TAF4B: variants seen among roughly 807,000 people sequenced by gnomAD.
TAF4B encodes the protein transcription initiation factor TFIID subunit 4B.
TAF4B carries 38 observed loss-of-function variants against 86.4 expected under a neutral mutation model. That is an observed-to-expected ratio of 0.44 (90% CI 0.34 to 0.58). TAF4B has a LOEUF of 0.58. Ranked by LOEUF, TAF4B falls within the 20% of genes least tolerant of loss-of-function variation. TAF4B has a pLI of 0.02. For synonymous variants in TAF4B, 388 were observed against 391.2 expected (o/e 0.99, Z 0.10); for missense variants, 988 against 1,027.6 (o/e 0.96, Z 0.53).
intron 5 of TAF4B, among the ~76,000 whole-genome samples, chr18:26,281,392 T>C (rs897175056): frequency 6.6e-6 from 1 of 152,204 alleles, no homozygotes; most frequent in Non-Finnish European, 1.5e-5. Flanking sequence ...GTATATAATA[T>C]GTCCTATTAG....
rs1402641953 is a variant in TAF4B at position 26,286,291 on chromosome 18, C to T, written c.1382C>T (p.Ala461Val). 2 of 1,614,246 alleles carry T rather than the reference C, an allele frequency of 1.2e-6. No individual in the cohort carries two copies. The highest frequency in any genetic ancestry group is 1.7e-6 in the Non-Finnish European group (2 of 1,180,036). Residue 461 changes from alanine (A) to valine (V), a missense_variant, in exon 7 of 15, where the codon GCA (alanine) becomes GTA (valine). Around this residue, in one of 3 missense-constraint regions of TAF4B, gnomAD observed 747 missense variants for 737.9 expected, o/e 1.01. Transcript: ENST00000269142. ...QPEKPVVSGT[A>V]VTLSLPAVTF... ...GAAAAGCCAGTTGTCTCTGGAACAG[C>T]AGTAACACTGTCCCTTCCAGCAGTA... is the stretch of plus-strand genomic sequence containing the variant.
intron 5 of TAF4B, among the ~76,000 whole-genome samples, chr18:26,280,200 A>C (rs1252336908): frequency 1.3e-5 from 2 of 152,196 alleles, no homozygotes; most frequent in Non-Finnish European, 2.9e-5. Context: ...AAGACCTCAA[A>C]CTGTAAAAGT....
chr18:26,372,702 G>T (rs2057414519), intron 14 of TAF4B, among the ~76,000 whole-genome samples: 1 of 152,092 alleles, frequency 6.6e-6, no homozygotes, highest in African/African-American at 2.4e-5. Context: ...TGGGCGCGGT[G>T]GCTCATGCCT....
chr18:26,310,624 A>G lies in TAF4B; in HGVS notation c.1833-4605A>G, dbSNP rs2056844898. ...TCTAAGGAAATAACTAGATCTTAAA[A>G]TAAAAGTTTTTGTTTATATTTTAAA... On this transcript the variant is annotated intron_variant, in intron 9 of 14. Transcript: ENST00000269142. Among the ~76,000 whole-genome samples, 3 of 152,326 alleles carry G rather than the reference A, an allele frequency of 2.0e-5. 1 individual carries two copies. Among genetic ancestry groups the G allele is most frequent in the South Asian group, 4.2e-4 (2 of 4,812 alleles).
intron 10 of TAF4B, 142 bp from the exon 11 acceptor site, chr18:26,320,928 G>T: frequency 1.0e-6 from 1 of 981,184 alleles, no homozygotes; most frequent in Non-Finnish European, 1.5e-6. Context: ...TTGAAGTTGT[G>T]ACTTTACTAG....
intron 7 of TAF4B, among the ~76,000 whole-genome samples, chr18:26,291,381 C>CT (rs1317723999): frequency 6.6e-6 from 1 of 151,638 alleles, no homozygotes; most frequent in Non-Finnish European, 1.5e-5. Context: ...TAAGAAAATA[C>CT]TTTAGACCGG....
intron 9 of TAF4B, among the ~76,000 whole-genome samples, chr18:26,308,057 C>T (rs55692022): frequency 0.057 from 8,684 of 151,814 alleles, 331 homozygotes; most frequent in Middle Eastern, 0.11. Context: ...TGCAGTGAGC[C>T]GAGATGGAGC....
chr18:26,274,307 A>G (rs948823120), intron 3 of TAF4B, among the ~76,000 whole-genome samples: 2 of 152,196 alleles, frequency 1.3e-5, no homozygotes, highest in East Asian at 1.9e-4. Context: ...TTGGAGTATT[A>G]ATAATATTTT....
At chr18:26,245,106 CTT>C (rs1214026193) in intron 1 of TAF4B, among the ~76,000 whole-genome samples, 3 of 152,166 alleles carry the variant, frequency 2.0e-5, no homozygotes, top group Non-Finnish European at 4.4e-5. Context: ...ACACCCGTGT[CTT>C]TAGTCTGGCG....
intron 10 of TAF4B, among the ~76,000 whole-genome samples, chr18:26,320,446 TG>T (rs1160542116): frequency 6.6e-6 from 1 of 152,196 alleles, no homozygotes; most frequent in East Asian, 1.9e-4. Flanking sequence ...GATTTTTTTA[TG>T]GAAAGGAAAT....
chr18:26,375,088 C>T (rs1273836512), intron 14 of TAF4B, among the ~76,000 whole-genome samples: 1 of 152,200 alleles, frequency 6.6e-6, no homozygotes, highest in African/African-American at 2.4e-5. Flanking sequence ...GTCATCCTCT[C>T]AGTTCCTGAC....
chr18:26,343,906 G>A (rs2057155819), intron 13 of TAF4B, among the ~76,000 whole-genome samples: 1 of 152,050 alleles, frequency 6.6e-6, no homozygotes, highest in Non-Finnish European at 1.5e-5. Flanking sequence ...GAAGAACCAG[G>A]AATATCTTAA....
At chr18:26,235,465 C>A (rs1343854963) in intron 1 of TAF4B, among the ~76,000 whole-genome samples, 3 of 152,128 alleles carry the variant, frequency 2.0e-5, no homozygotes, top group Admixed American at 6.6e-5. Context: ...CGCCTTGTAC[C>A]CTTGATTAGC....
chr18:26,358,981 CAT>C (rs2057310689), intron 14 of TAF4B, among the ~76,000 whole-genome samples: 1 of 152,144 alleles, frequency 6.6e-6, no homozygotes, highest in African/African-American at 2.4e-5. Context: ...TTAAATGTAA[CAT>C]ATGAAATATT....
At chr18:26,289,800 T>G (rs376221946) in intron 7 of TAF4B, among the ~76,000 whole-genome samples, 19 of 152,344 alleles carry the variant, frequency 1.2e-4, no homozygotes, top group African/African-American at 4.6e-4. Flanking sequence ...ACATTATCAC[T>G]CATTTTGTTT....
chr18:26,309,307 G>T (rs1376363737), intron 9 of TAF4B, among the ~76,000 whole-genome samples: 1 of 108,940 alleles, frequency 9.2e-6, no homozygotes, highest in Non-Finnish European at 1.8e-5. Flanking sequence ...GAGCTATCAA[G>T]CAAAAATGAA....
intron 14 of TAF4B, among the ~76,000 whole-genome samples, chr18:26,368,069 G>A (rs2057383122): frequency 6.6e-6 from 1 of 152,160 alleles, no homozygotes; most frequent in African/African-American, 2.4e-5. Flanking sequence ...TGGTGTAGAA[G>A]TGTTGAACAA....
At chr18:26,346,943 C>T (rs2057203907) in intron 13 of TAF4B, among the ~76,000 whole-genome samples, 1 of 125,052 alleles carries the variant, frequency 8.0e-6, no homozygotes, top group African/African-American at 2.9e-5. Flanking sequence ...TGTTTTTTGA[C>T]AGAGTCTTGC....
At chr18:26,373,074 T>C (rs911748809) in intron 14 of TAF4B, among the ~76,000 whole-genome samples, 12 of 152,182 alleles carry the variant, frequency 7.9e-5, no homozygotes, top group Non-Finnish European at 1.8e-4. Flanking sequence ...TGGTGAACTT[T>C]CTAGGGCTTC....
Sources: allele counts gnomAD v4.1 joint callset (sites outside exome capture counted in the v4.1 genomes callset), GRCh38; gene constraint gnomAD v4.1.1; regional missense constraint gnomAD v4.1.1; transcripts MANE v1.5; gene names NCBI Gene and HGNC (gene_info 2026-07-23, HGNC 2026-07-21).